The following PPP2R2D variants were observed in gnomAD, a reference collection of about 807,000 sequenced individuals.
PPP2R2D encodes protein phosphatase 2 regulatory subunit Bdelta.
PPP2R2D carries 9 observed loss-of-function variants against 31.1 expected under a neutral mutation model. The observed-to-expected ratio is 0.29, with a 90% CI of 0.17 to 0.51. The LOEUF is 0.51. PPP2R2D is among the 20% of genes least tolerant of loss of function. The pLI is 0.98. For missense variants in PPP2R2D, 391 were observed against 465.6 expected (o/e 0.84, Z 1.48); for synonymous variants, 179 against 172.6 (o/e 1.04, Z -0.29).
At chr10:131,901,942 C>G (rs1237634404) in intron 2 of PPP2R2D, among the ~76,000 whole-genome samples, 1 of 152,222 alleles carries the variant, frequency 6.6e-6, no homozygotes, top group African/African-American at 2.4e-5. Flanking sequence ...TTTAAGGTCT[C>G]TATTCCAGAT....
At position 131,956,118 on chromosome 10, in the gene PPP2R2D, C is replaced by T. The variant is rs374419868; in HGVS notation, c.*155C>T. On this transcript the variant is annotated 3_prime_UTR_variant, in exon 9 of 9. Coordinates refer to ENST00000455566, the MANE Select transcript of PPP2R2D (RefSeq NM_018461.5). ...GAGAAAGCCGCCTCCGCTGGAGGCC[C>T]GGTGTGGTTCCGCCTCGGCGAGGCG... is the stretch of plus-strand genomic sequence containing the variant. The T allele has an allele frequency of 3.4e-5, 43 of 1,256,542 alleles. No individual in the cohort carries two copies. The East Asian group carries it at 5.6e-4, about 16-fold the overall frequency. The allele number at this position is 1,256,542 out of a possible 1,614,324, so 77.8% of individuals were successfully genotyped here. A position where few individuals can be genotyped will look rare whatever the true frequency, so the allele number is the denominator to read the frequency against.
At chr10:131,908,599 T>A (rs2035634582) in intron 2 of PPP2R2D, among the ~76,000 whole-genome samples, 1 of 152,254 alleles carries the variant, frequency 6.6e-6, no homozygotes, top group Non-Finnish European at 1.5e-5. Context: ...TTGGTACACA[T>A]CCCTTTTTCA....
At chr10:131,954,824 G>A (rs1362375300) in intron 8 of PPP2R2D, among the ~76,000 whole-genome samples, 6 of 152,196 alleles carry the variant, frequency 3.9e-5, no homozygotes, top group South Asian at 2.1e-4. Flanking sequence ...GTGAGGGCGC[G>A]GGTTAGTGTC....
In PPP2R2D at chr10:131,947,487, G is replaced by A; in HGVS notation, c.821-43G>A. 6.3e-7 allele frequency: 1 copy of A among 1,589,052 alleles called. No homozygotes were observed. Among genetic ancestry groups the A allele is most frequent in the Non-Finnish European group, 8.6e-7 (1 of 1,166,248 alleles). On this transcript the variant is annotated intron_variant, in intron 7 of 8. Coordinates refer to ENST00000455566, the MANE Select transcript of PPP2R2D (RefSeq NM_018461.5). The surrounding 1 kb of genome is among the most constrained non-coding windows in gnomAD (Gnocchi z 4.3). ...TGAACTTGAAAATGATTTGTTCTCT[G>A]ATTTTTAAACAGAAGCTGAAAACAT...
At chr10:131,933,955 A>G (rs1420829418) in intron 2 of PPP2R2D, among the ~76,000 whole-genome samples, 1 of 152,166 alleles carries the variant, frequency 6.6e-6, no homozygotes, top group African/African-American at 2.4e-5. Flanking sequence ...AGACAATGAC[A>G]TGGAACTTCT....
In PPP2R2D at chr10:131,940,846, G is replaced by C. The variant is rs1049795577; in HGVS notation, c.477+152G>C. 6 of 536,382 alleles carry C rather than the reference G, an allele frequency of 1.1e-5. No homozygotes were observed. In the African/African-American group the frequency reaches 1.2e-4, roughly 10 times the overall value. 33.2% of individuals were successfully genotyped at this position (536,382 alleles called of 1,614,324 possible). ...CTGAAAGTCGTTTGCACTCATGTGT[G>C]TGTTTAAAAGCAAGGTCTTTCTCCT... On this transcript the variant is annotated intron_variant, in intron 5 of 8. Coordinates refer to ENST00000455566, the MANE Select transcript of PPP2R2D (RefSeq NM_018461.5).
chr10:131,923,050 T>G (rs1216341284), intron 2 of PPP2R2D, among the ~76,000 whole-genome samples: 1 of 152,180 alleles, frequency 6.6e-6, no homozygotes, highest in Non-Finnish European at 1.5e-5. Context: ...CTTTGTGAAG[T>G]GTGCGGGTGA....
chr10:131,960,463 G>T (rs533384730), downstream of PPP2R2D, among the ~76,000 whole-genome samples: 1 of 152,290 alleles, frequency 6.6e-6, no homozygotes, highest in East Asian at 1.9e-4. Context: ...AGTTTATGAT[G>T]CCCTCGTGGA....
Position 131,958,133 on chromosome 10 carries a change from C to CATG in PPP2R2D, c.*2170_*2171insATG, listed in dbSNP as rs2036847235. On this transcript the variant is annotated 3_prime_UTR_variant, in exon 9 of 9. Transcript: ENST00000455566. ...ATGAAGGTGTGTGCTGATCCCCGTC[C>CATG]CCCTGTGGAGATGAAGGGGTGTGCT... The CATG allele has an allele frequency of 6.0e-6, 1 of 166,282 alleles. No homozygotes were observed. Among genetic ancestry groups the CATG allele is most frequent in the Non-Finnish European group, 1.2e-5 (1 of 81,634 alleles). The allele number at this position is 166,282 out of a possible 1,614,324, so 10.3% of individuals were successfully genotyped here. A position where few individuals can be genotyped will look rare whatever the true frequency, so the allele number is the denominator to read the frequency against.
At chr10:131,913,405 C>T (rs2119752147) in intron 2 of PPP2R2D, among the ~76,000 whole-genome samples, 1 of 152,104 alleles carries the variant, frequency 6.6e-6, no homozygotes, top group Non-Finnish European at 1.5e-5. Context: ...GTTTTAATTC[C>T]TCTGCCCCCA....
At chr10:131,954,550 C>T (rs9419221) in intron 8 of PPP2R2D, among the ~76,000 whole-genome samples, 2,428 of 152,084 alleles carry the variant, frequency 0.016, 71 homozygotes, top group African/African-American at 0.054. Context: ...GCCTCTGTGG[C>T]GCTGTGGGCT....
Position 131,956,441 on chromosome 10 carries a change from T to C in PPP2R2D, c.*478T>C, listed in dbSNP as rs2036800777. ...GGTGGACTCTGTGGATGTGTGGATG[T>C]GGCCCGAGCAGGCTCAGGCGGCCCC... is the stretch of plus-strand genomic sequence containing the variant. On this transcript the variant is annotated 3_prime_UTR_variant, in exon 9 of 9. Coordinates refer to ENST00000455566, the MANE Select transcript of PPP2R2D (RefSeq NM_018461.5). The C allele has an allele frequency of 4.1e-6, 4 of 985,582 alleles. No homozygotes were observed. The highest frequency in any genetic ancestry group is 4.8e-6 in the Non-Finnish European group (4 of 830,162). The allele number at this position is 985,582 out of a possible 1,614,324, so 61.1% of individuals were successfully genotyped here. A position where few individuals can be genotyped will look rare whatever the true frequency, so the allele number is the denominator to read the frequency against.
intron 2 of PPP2R2D, among the ~76,000 whole-genome samples, chr10:131,907,266 T>G (rs2035607319): frequency 6.6e-6 from 1 of 152,192 alleles, no homozygotes; most frequent in Admixed American, 6.5e-5. Flanking sequence ...GATTTCTATA[T>G]TCCATTGTAG....
At chr10:131,924,834 T>C (rs1413903031) in intron 2 of PPP2R2D, among the ~76,000 whole-genome samples, 3 of 152,156 alleles carry the variant, frequency 2.0e-5, no homozygotes, top group African/African-American at 7.2e-5. Flanking sequence ...ATTTTTTTTT[T>C]TACAATATTT....
the PPP2R2D span, chr10:131,970,923 C>T: frequency 2.4e-5 from 38 of 1,614,130 alleles, no homozygotes; most frequent in South Asian, 4.2e-4. The surrounding 1 kb of genome is among the most constrained non-coding windows in gnomAD (Gnocchi z 4.1). Context: ...AGTTTTTCTT[C>T]AAGATGCTTT....
At chr10:131,934,838 C>A in intron 3 of PPP2R2D, 1 of 504,856 alleles carries the variant, frequency 2.0e-6, no homozygotes, top group Non-Finnish European at 3.9e-6. Context: ...TATGTGCTTT[C>A]ATTCCATAAG....
At chr10:131,962,267 A>G (rs568684369), downstream of PPP2R2D, among the ~76,000 whole-genome samples, 13 of 152,306 alleles carry the variant, frequency 8.5e-5, no homozygotes, top group South Asian at 1.0e-3. Flanking sequence ...TCGTGAAGTC[A>G]TCATCACGCA....
intron 8 of PPP2R2D, among the ~76,000 whole-genome samples, chr10:131,948,707 G>T (rs1295579729): frequency 6.6e-6 from 1 of 152,352 alleles, no homozygotes; most frequent in South Asian, 2.1e-4. Flanking sequence ...CTGCCCCTGT[G>T]AACAGCAGGT....
At position 131,958,670 on chromosome 10, in the gene PPP2R2D, A is replaced by ATCCCCCGTCCTCCTGTGGAGATGAAGG. The variant is rs2036866557; in HGVS notation, c.*2708_*2709insCCCCCGTCCTCCTGTGGAGATGAAGGT. The ATCCCCCGTCCTCCTGTGGAGATGAAGG allele has an allele frequency of 1.7e-5, 1 of 60,174 alleles. No homozygotes were observed. Among genetic ancestry groups the ATCCCCCGTCCTCCTGTGGAGATGAAGG allele is most frequent in the Non-Finnish European group, 3.2e-5 (1 of 31,698 alleles). 3.7% of individuals were successfully genotyped at this position (60,174 alleles called of 1,614,324 possible). On this transcript the variant is annotated 3_prime_UTR_variant, in exon 9 of 9. Transcript: ENST00000455566. ...CCCCCATCCCCCTGTGGAGATGAAG[A>ATCCCCCGTCCTCCTGTGGAGATGAAGG]TGTGTGCTGATCCCCCGTCCTCCTG...
Sources: gnomAD v4.1 joint callset for allele counts (sites outside exome capture counted in the v4.1 genomes callset) on GRCh38, gnomAD v4.1.1 for gene constraint, Gnocchi (gnomAD v3.1) non-coding constraint, MANE v1.5 for transcripts, NCBI Gene and HGNC (gene_info 2026-07-23, HGNC 2026-07-21) for gene names.